RBFOX2: variants seen among roughly 807,000 people sequenced by gnomAD.
RBFOX2 encodes the protein RNA binding fox-1 homolog 2, also known as RNA binding protein fox-1 homolog 2.
In RBFOX2, 10 loss-of-function variants were observed where a neutral mutation model predicts 49.1. The ratio of observed to expected loss-of-function variants is 0.20; its 90% CI spans 0.13 to 0.35. The LOEUF (loss-of-function observed/expected upper bound fraction) is 0.35, where lower values mean the gene tolerates loss of function less well. Among genes scored for constraint, RBFOX2 ranks in the 10% least tolerant of loss-of-function variants. The probability of loss-of-function intolerance (pLI) is 1.00; values close to 1 mark genes in which losing one functional copy is unlikely to be tolerated. For synonymous variants in RBFOX2, 183 were observed against 187.4 expected (o/e 0.98, Z 0.19); for missense variants, 323 against 486.9 (o/e 0.66, Z 3.17).
At chr22:35,969,836 T>C (rs1049062825) in intron 1 of RBFOX2, among the ~76,000 whole-genome samples, 1 of 152,236 alleles carries the variant, frequency 6.6e-6, no homozygotes, top group South Asian at 2.1e-4. Context: ...TGGAAGAATA[T>C]GTATCACCTT....
intron 2 of RBFOX2, among the ~76,000 whole-genome samples, chr22:35,800,446 T>C (rs886811525): frequency 6.6e-6 from 1 of 152,220 alleles, no homozygotes; most frequent in African/African-American, 2.4e-5. Context: ...TATTCCACCT[T>C]ATTTCCCACT....
chr22:35,780,790 C>A (rs937628193), intron 3 of RBFOX2, among the ~76,000 whole-genome samples: 1 of 152,118 alleles, frequency 6.6e-6, no homozygotes, highest in Non-Finnish European at 1.5e-5. Context: ...AGTTCACATG[C>A]GAATAGAATT....
In RBFOX2 at chr22:35,764,463, AG is replaced by A. The variant is rs1182086653; in HGVS notation, c.607+959del. On this transcript the variant is annotated intron_variant, in intron 6 of 11. Coordinates refer to ENST00000405409, the Ensembl canonical transcript of RBFOX2. ...GCCAGGTGTGGTGGCGGGCGCCTGT[AG>A]TCCCAGCTACTCGGGAGGCTGAGGG... 3.3e-5 allele frequency among the ~76,000 whole-genome samples: 5 copies of A among 151,880 alleles called. No homozygotes were observed. The East Asian group carries it at 9.7e-4, about 29-fold the overall frequency.
chr22:35,792,746 C>T (rs1043822402), intron 2 of RBFOX2, among the ~76,000 whole-genome samples: 1 of 152,182 alleles, frequency 6.6e-6, no homozygotes, highest in African/African-American at 2.4e-5. Context: ...CAGGCTCACA[C>T]TCCCTAAACA....
intron 1 of RBFOX2, among the ~76,000 whole-genome samples, chr22:35,950,953 CTTTTTTTTTTT>C (rs747849148): frequency 1.6e-5 from 2 of 128,144 alleles, no homozygotes; most frequent in Non-Finnish European, 3.4e-5. Flanking sequence ...GTAAAGAATT[CTTTTTTTTTTT>C]TTTTTTGGAG....
chr22:35,850,652 T>TACACATGTGC (rs2041835912), intron 1 of RBFOX2, among the ~76,000 whole-genome samples: 1 of 152,118 alleles, frequency 6.6e-6, no homozygotes, highest in African/African-American at 2.4e-5. Context: ...TATATACAAA[T>TACACATGTGC]ACACATGTGC....
chr22:35,888,334 G>T (rs2046844406), intron 1 of RBFOX2, among the ~76,000 whole-genome samples: 1 of 152,052 alleles, frequency 6.6e-6, no homozygotes, highest in Non-Finnish European at 1.5e-5. Context: ...TTAACAACAG[G>T]AATGTGTTCT....
exon 12 of RBFOX2, chr22:35,738,913 T>C (rs1928360996): frequency 6.6e-6 from 1 of 152,604 alleles, no homozygotes; most frequent in Non-Finnish European, 1.5e-5. Flanking sequence ...ACTCCGACCT[T>C]CACAATTCCA....
intron 1 of RBFOX2, among the ~76,000 whole-genome samples, chr22:36,020,580 T>C (rs1235064020): frequency 6.6e-6 from 1 of 152,012 alleles, no homozygotes; most frequent in Non-Finnish European, 1.5e-5. Flanking sequence ...CACCAAAAAG[T>C]GGGCAAAGGA....
At chr22:35,824,381 C>G (rs1276296153) in intron 1 of RBFOX2, 1 of 152,202 alleles carries the variant, frequency 6.6e-6, no homozygotes, top group Non-Finnish European at 1.5e-5. Flanking sequence ...TAGCCAAGAT[C>G]AGAATGCAGT....
intron 1 of RBFOX2, among the ~76,000 whole-genome samples, chr22:35,848,395 T>C (rs1243485842): frequency 6.6e-6 from 1 of 152,198 alleles, no homozygotes; most frequent in East Asian, 1.9e-4. Context: ...GAAACAGTTA[T>C]ATCATTAATA....
intron 1 of RBFOX2, among the ~76,000 whole-genome samples, chr22:35,971,993 CCTT>C (rs1368841333): frequency 3.3e-5 from 5 of 150,514 alleles, no homozygotes; most frequent in Non-Finnish European, 5.9e-5. Context: ...CTCATCCCTT[CCTT>C]CCAGATCATC....
chr22:35,835,455 T>C (rs1957484511), intron 1 of RBFOX2, among the ~76,000 whole-genome samples: 1 of 152,140 alleles, frequency 6.6e-6, no homozygotes, highest in African/African-American at 2.4e-5. Flanking sequence ...GCAATCTGTG[T>C]AGATCAGAGT....
At chr22:35,843,421 A>ACTT (rs2040764938), upstream of RBFOX2, among the ~76,000 whole-genome samples, 1 of 151,744 alleles carries the variant, frequency 6.6e-6, no homozygotes, top group Non-Finnish European at 1.5e-5. Flanking sequence ...GGAAAGAGGT[A>ACTT]CTTCTCCCTG....
At chr22:35,872,260 T>C (rs1016943853) in intron 1 of RBFOX2, among the ~76,000 whole-genome samples, 2 of 152,192 alleles carry the variant, frequency 1.3e-5, no homozygotes, top group Non-Finnish European at 2.9e-5. Context: ...TAGGGGAGTA[T>C]ATAGACGGGC....
chr22:35,966,306 C>T (rs1425599667), upstream of RBFOX2, among the ~76,000 whole-genome samples: 1 of 152,170 alleles, frequency 6.6e-6, no homozygotes, highest in African/African-American at 2.4e-5. Flanking sequence ...AATCCTTGCA[C>T]ATGTCTTTCA....
intron 1 of RBFOX2, among the ~76,000 whole-genome samples, chr22:35,870,627 C>A (rs1263485493): frequency 2.0e-5 from 3 of 152,060 alleles, no homozygotes; most frequent in Non-Finnish European, 4.4e-5. Flanking sequence ...TTATATAGAA[C>A]ATATGCTTTC....
intron 1 of RBFOX2, among the ~76,000 whole-genome samples, chr22:35,967,341 G>A (rs1014373001): frequency 1.3e-5 from 2 of 149,594 alleles, no homozygotes; most frequent in Admixed American, 6.7e-5. Context: ...CTGTGCCACC[G>A]CACTCTAGCC....
intron 1 of RBFOX2, among the ~76,000 whole-genome samples, chr22:35,955,617 C>G (rs1224511658): frequency 6.6e-6 from 1 of 152,138 alleles, no homozygotes; most frequent in Admixed American, 6.5e-5. Context: ...TTCGATGGAA[C>G]AGGCAACCTA....
Sources: allele counts gnomAD v4.1 joint callset (sites outside exome capture counted in the v4.1 genomes callset), GRCh38; gene constraint gnomAD v4.1.1; transcripts MANE v1.5; gene names NCBI Gene and HGNC (gene_info 2026-07-23, HGNC 2026-07-21).